EYA3: variants seen among roughly 807,000 people sequenced by gnomAD.
EYA3 encodes protein phosphatase EYA3.
EYA3 carries 39 observed loss-of-function variants against 80.0 expected under a neutral mutation model. The ratio of observed to expected loss-of-function variants is 0.49; its 90% CI spans 0.38 to 0.64. The LOEUF (loss-of-function observed/expected upper bound fraction) is 0.64, where lower values mean the gene tolerates loss of function less well. Among genes scored for constraint, EYA3 ranks in the 30% least tolerant of loss-of-function variants. EYA3 has a pLI of 0.00. For synonymous variants in EYA3, 206 were observed against 232.8 expected (o/e 0.88, Z 1.05); for missense variants, 523 against 676.1 (o/e 0.77, Z 2.51).
intron 11 of EYA3, among the ~76,000 whole-genome samples, chr1:28,003,492 C>A (rs1474808816): frequency 6.6e-6 from 1 of 151,928 alleles, no homozygotes; most frequent in African/African-American, 2.4e-5. Context: ...AACAAACAAA[C>A]AAACAAAAAA....
chr1:28,013,189 TG>T lies in EYA3; in HGVS notation c.690del (p.Thr231HisfsTer2). 6.2e-7 allele frequency: 1 copy of T among 1,614,176 alleles called. No homozygotes were observed. Among genetic ancestry groups the T allele is most frequent in the South Asian group, 1.1e-5 (1 of 91,086 alleles). ...GACTGGTATGTGGTTGCTGCTAATG[TG>T]GTGCTCTCTGCATCACTGTTAGTCT... ...TGQTNSDAES[T>X]TLAATTYQSE... On this transcript the variant is annotated frameshift_variant, in exon 9 of 18. Coordinates refer to ENST00000373871, the MANE Select transcript of EYA3 (RefSeq NM_001990.4). LOFTEE classifies it high-confidence loss of function. This position sits in a 1 kb window ranked among gnomAD's most constrained non-coding sequence, Gnocchi z 4.0.
rs1553157671 is a variant in EYA3 at position 28,073,127 on chromosome 1, A to ATATTTTTT, written c.-68-15034_-68-15033insAAAAAATA. 7.3e-4 allele frequency among the ~76,000 whole-genome samples: 11 copies of ATATTTTTT among 14,998 alleles called. 1 individual carries two copies. The highest frequency in any genetic ancestry group is 8.1e-3 in the South Asian group (2 of 248). 9.8% of individuals were successfully genotyped at this position (14,998 alleles called of 152,430 possible). A position where few individuals can be genotyped will look rare whatever the true frequency, so the allele number is the denominator to read the frequency against. On this transcript the variant is annotated intron_variant, in intron 1 of 17. Transcript: ENST00000373871. ...ATTATATATATATATATATATATAT[A>ATATTTTTT]TTTTTTTTTTTTTTTTTTTTTTTTA...
chr1:28,066,764 G>A (rs183036503), intron 1 of EYA3, among the ~76,000 whole-genome samples: 1 of 152,092 alleles, frequency 6.6e-6, no homozygotes, highest in East Asian at 1.9e-4. Flanking sequence ...GGCAATATCT[G>A]CAAGAATTAT....
intron 9 of EYA3, 127 bp from the exon 10 acceptor site, chr1:28,011,213 C>T: frequency 1.0e-6 from 1 of 996,530 alleles, no homozygotes; most frequent in Non-Finnish European, 1.4e-6. Flanking sequence ...GAAAGCTAAA[C>T]CTTATGTAAG....
intron 2 of EYA3, among the ~76,000 whole-genome samples, chr1:28,056,266 G>GGAT (rs1278015544): frequency 6.6e-6 from 1 of 152,016 alleles, no homozygotes; most frequent in East Asian, 1.9e-4. Flanking sequence ...AGAAAACCAG[G>GGAT]GATAGTCCAC....
At chr1:28,071,541 T>C (rs187040669) in intron 1 of EYA3, among the ~76,000 whole-genome samples, 1 of 152,318 alleles carries the variant, frequency 6.6e-6, no homozygotes, top group African/African-American at 2.4e-5. Context: ...TGATCAGAAA[T>C]TTTTTTCATT....
intron 1 of EYA3, among the ~76,000 whole-genome samples, chr1:28,078,057 C>T (rs575650946): frequency 6.6e-6 from 1 of 151,936 alleles, no homozygotes; most frequent in African/African-American, 2.4e-5. Context: ...TTCAAAACTC[C>T]ATCAGACAGG....
intron 1 of EYA3, among the ~76,000 whole-genome samples, chr1:28,071,068 G>A (rs777452096): frequency 5.3e-5 from 8 of 152,180 alleles, no homozygotes; most frequent in South Asian, 4.1e-4. Context: ...GATTACAGGC[G>A]CCTACCACCA....
chr1:28,061,909 T>TG (rs57814301), intron 1 of EYA3, among the ~76,000 whole-genome samples: 35,865 of 152,080 alleles, frequency 0.24, 4,349 homozygotes, highest in Non-Finnish European at 0.27. Context: ...AACGGTTTTT[T>TG]TTTGTTTGTT....
chr1:28,064,971 T>C (rs2790717), intron 1 of EYA3, among the ~76,000 whole-genome samples: 98,024 of 152,112 alleles, frequency 0.64, 32,303 homozygotes, highest in African/African-American at 0.78. Context: ...AGAGACTAGA[T>C]AATAGTGATG....
chr1:28,002,228 T>C (rs1441756107), intron 11 of EYA3, among the ~76,000 whole-genome samples: 1 of 152,054 alleles, frequency 6.6e-6, no homozygotes, highest in East Asian at 1.9e-4. Flanking sequence ...TTTGTATTTT[T>C]AGTAGAGATG....
chr1:28,041,257 G>A (rs868656086), intron 4 of EYA3, among the ~76,000 whole-genome samples: 9 of 152,122 alleles, frequency 5.9e-5, no homozygotes, highest in African/African-American at 1.4e-4. Flanking sequence ...CCAGCTATTC[G>A]GAAGGCTGAG....
intron 7 of EYA3, among the ~76,000 whole-genome samples, chr1:28,025,319 A>G (rs12561882): frequency 0.068 from 10,341 of 152,224 alleles, 618 homozygotes; most frequent in East Asian, 0.25. Flanking sequence ...ACAAAAAGGG[A>G]GGAGAAGTGA....
chr1:28,059,401 T>C (rs72658342), intron 1 of EYA3, among the ~76,000 whole-genome samples: 19 of 152,326 alleles, frequency 1.2e-4, no homozygotes, highest in South Asian at 1.0e-3. Context: ...AGGTAACTAG[T>C]GATACAGAAT....
At position 28,008,367 on chromosome 1, in the gene EYA3, G is replaced by A. The variant is rs139349324; in HGVS notation, c.909+2580C>T. On this transcript the variant is annotated intron_variant, in intron 10 of 17. Coordinates refer to ENST00000373871, the MANE Select transcript of EYA3 (RefSeq NM_001990.4). ...AAAATACATAAAAATCTTCATAACC[G>A]TGTATTAAGTATTACACCAAGAAAA... Among the ~76,000 whole-genome samples the A allele has an allele frequency of 3.9e-3, 594 of 151,806 alleles. 10 individuals are homozygous for A. The highest frequency in any genetic ancestry group is 0.014 in the African/African-American group (561 of 41,422).
rs1442802881 is a variant in EYA3, at chr1:27,970,770, TAAG to T, written c.*3693_*3695del. ...ATGAAAAAGGAAACCAATTTAGTGG[TAAG>T]AAATAGAAGCCTGCTTAAGAGGGAC... On this transcript the variant is annotated 3_prime_UTR_variant, in exon 18 of 18. Coordinates refer to ENST00000373871, the MANE Select transcript of EYA3 (RefSeq NM_001990.4). 1 of 152,186 alleles carries T rather than the reference TAAG, an allele frequency of 6.6e-6. No individual in the cohort carries two copies. The highest frequency in any genetic ancestry group is 3.2e-3 in the Middle Eastern group (1 of 316). 9.4% of individuals were successfully genotyped at this position (152,186 alleles called of 1,614,324 possible). A position where few individuals can be genotyped will look rare whatever the true frequency, so the allele number is the denominator to read the frequency against.
rs188662971 is a variant in EYA3, at chr1:27,999,542, A to G, written c.1083+418T>C. 2.6e-5 allele frequency among the ~76,000 whole-genome samples: 4 copies of G among 152,350 alleles called. No homozygotes were observed. In the East Asian group the frequency reaches 7.7e-4, roughly 29 times the overall value. ...TAACCATTTATAGATTCGACAAATC[A>G]GGAGACTATCCTTTAAGAATGTAAA... On this transcript the variant is annotated intron_variant, in intron 12 of 17. Coordinates refer to ENST00000373871, the MANE Select transcript of EYA3 (RefSeq NM_001990.4).
In EYA3 at chr1:27,993,612, T is replaced by A. The variant is rs1432778753; in HGVS notation, c.1143-52A>T. 2.0e-6 allele frequency: 3 copies of A among 1,474,068 alleles called. No homozygotes were observed. The East Asian group carries it at 7.4e-5, about 36-fold the overall frequency. 91.3% of individuals were successfully genotyped at this position (1,474,068 alleles called of 1,614,324 possible). A position where few individuals can be genotyped will look rare whatever the true frequency, so the allele number is the denominator to read the frequency against. The stretch of plus-strand genomic sequence containing the variant: ...TAAAATTTATACAGCATAAAGTTTT[T>A]GTTTGAGTGCTATTTGGTTGGGTTC... On this transcript the variant is annotated intron_variant, in intron 13 of 17. Transcript: ENST00000373871.
In EYA3 at chr1:28,024,606, G is replaced by A. The variant is rs576850015; in HGVS notation, c.499+3183C>T. On this transcript the variant is annotated intron_variant, in intron 7 of 17. Coordinates refer to ENST00000373871, the MANE Select transcript of EYA3 (RefSeq NM_001990.4). ...CAGGAGGCAAAGGTTGTAGTGAGCC[G>A]AGAGCATGCCACTGCACTCCAGCCT... Among the ~76,000 whole-genome samples, 5 of 152,034 alleles carry A rather than the reference G, an allele frequency of 3.3e-5. No homozygotes were observed. The South Asian group carries it at 8.3e-4, about 25-fold the overall frequency.
Sources: gnomAD v4.1 joint callset for allele counts (sites outside exome capture counted in the v4.1 genomes callset) on GRCh38, gnomAD v4.1.1 for gene constraint, Gnocchi (gnomAD v3.1) non-coding constraint, MANE v1.5 for transcripts, NCBI Gene and HGNC (gene_info 2026-07-23, HGNC 2026-07-21) for gene names.